The following MAML2 variants were observed in gnomAD, a reference collection of about 807,000 sequenced individuals.
MAML2 encodes mastermind like transcriptional coactivator 2.
In MAML2, 22 loss-of-function variants were observed where a neutral mutation model predicts 96.1. The ratio of observed to expected loss-of-function variants is 0.23; its 90% CI spans 0.16 to 0.33. MAML2 has a LOEUF of 0.33. Ranked by LOEUF, MAML2 falls within the 10% of genes least tolerant of loss-of-function variation. The probability of loss-of-function intolerance (pLI) is 1.00; values close to 1 mark genes in which losing one functional copy is unlikely to be tolerated. For synonymous variants in MAML2, 561 were observed against 521.3 expected, an observed-to-expected ratio of 1.08 and a Z score of -1.04; for missense variants, 1,367 against 1,392.4, an observed-to-expected ratio of 0.98 and a Z score of 0.29.
At chr11:96,138,570 T>G (rs1331311339) in intron 1 of MAML2, among the ~76,000 whole-genome samples, 1 of 152,194 alleles carries the variant, frequency 6.6e-6, no homozygotes, top group African/African-American at 2.4e-5. Flanking sequence ...GCACTCTTCC[T>G]GTTTTCCTTA....
chr11:96,261,729 A>G (rs895922397), intron 1 of MAML2, among the ~76,000 whole-genome samples: 1 of 152,192 alleles, frequency 6.6e-6, no homozygotes, highest in Non-Finnish European at 1.5e-5. Flanking sequence ...TGACTACCTG[A>G]GCTCCATATT....
Position 96,093,522 on chromosome 11 carries a change from AAGAC to A in MAML2, c.514-9_514-6del. 6.4e-7 allele frequency: 1 copy of A among 1,569,816 alleles called. No homozygotes were observed. The highest frequency in any genetic ancestry group is 8.6e-7 in the Non-Finnish European group (1 of 1,156,686). The stretch of plus-strand genomic sequence containing the variant: ...TCTTTTCAAGGAACCCTGGAGCTGA[AAGAC>A]AGAAGGGAATAAAAAGGAAAAATAA... On this transcript the variant is annotated splice_polypyrimidine_tract_variant and splice_region_variant and intron_variant, in intron 1 of 4. Transcript: ENST00000524717.
intron 1 of MAML2, among the ~76,000 whole-genome samples, chr11:96,332,753 A>G (rs79461310): frequency 6.6e-6 from 1 of 152,254 alleles, no homozygotes; most frequent in Non-Finnish European, 1.5e-5. Flanking sequence ...AGAAACATCA[A>G]CAACAACAAA....
rs1171885988 is a variant in MAML2 at position 96,342,767 on chromosome 11, C to A, written c.-872G>T. On this transcript the variant is annotated 5_prime_UTR_variant, in exon 1 of 5. Coordinates refer to ENST00000524717, the MANE Select transcript of MAML2 (RefSeq NM_032427.4). Reference sequence around the variant, plus strand: ...TTAAATGAAAAGCAATCTTAAGTCGCTAGCCACTGAGAGAGATCCTTCAAC... The same window carrying A: ...TTAAATGAAAAGCAATCTTAAGTCGATAGCCACTGAGAGAGATCCTTCAAC... 11 of 315,336 alleles carry A rather than the reference C, an allele frequency of 3.5e-5. No homozygotes were observed. Among genetic ancestry groups the A allele is most frequent in the Non-Finnish European group, 4.0e-5 (7 of 173,720 alleles). The allele number at this position is 315,336 out of a possible 1,614,324, so 19.5% of individuals were successfully genotyped here.
At chr11:96,039,963 CAAAAA>C (rs67545681) in intron 2 of MAML2, among the ~76,000 whole-genome samples, 3 of 104,574 alleles carry the variant, frequency 2.9e-5, no homozygotes. Context: ...GACTCTGTCT[CAAAAA>C]AAAAAAAAAA....
At chr11:96,166,177 T>TCTCTCTCACACACTCA (rs530578845) in intron 1 of MAML2, among the ~76,000 whole-genome samples, 2 of 110,330 alleles carry the variant, frequency 1.8e-5, no homozygotes, top group African/African-American at 7.0e-5. Context: ...TCTCTCTCTC[T>TCTCTCTCACACACTCA]CACACACACA....
intron 1 of MAML2, among the ~76,000 whole-genome samples, chr11:96,211,986 G>A (rs561893212): frequency 2.6e-5 from 4 of 152,192 alleles, no homozygotes; most frequent in South Asian, 2.1e-4. Context: ...ATAGGAAAGC[G>A]ATGTGCTGGG....
At chr11:96,096,922 C>G (rs1859839176) in intron 1 of MAML2, among the ~76,000 whole-genome samples, 1 of 152,148 alleles carries the variant, frequency 6.6e-6, no homozygotes, top group Non-Finnish European at 1.5e-5. Context: ...AGACACCCAT[C>G]AAAACTTCAC....
At chr11:96,309,430 C>A (rs1863507088) in intron 1 of MAML2, among the ~76,000 whole-genome samples, 1 of 152,146 alleles carries the variant, frequency 6.6e-6, no homozygotes, top group Admixed American at 6.5e-5. Context: ...TCATTCAACC[C>A]AGTAGCAGGA....
chr11:96,256,483 C>T (rs1004339894), intron 1 of MAML2, among the ~76,000 whole-genome samples: 2 of 152,306 alleles, frequency 1.3e-5, no homozygotes, highest in East Asian at 1.9e-4. Flanking sequence ...CAGATCTCAG[C>T]TTAAATACTG....
At chr11:96,187,070 C>A (rs1413928243) in intron 1 of MAML2, among the ~76,000 whole-genome samples, 1 of 152,194 alleles carries the variant, frequency 6.6e-6, no homozygotes, top group African/African-American at 2.4e-5. Flanking sequence ...GAGTAATGTA[C>A]CTTTAACCTT....
intron 4 of MAML2, among the ~76,000 whole-genome samples, chr11:95,982,811 G>A (rs184897360): frequency 5.0e-4 from 76 of 152,260 alleles, no homozygotes; most frequent in African/African-American, 1.7e-3. Context: ...TAAGATTATA[G>A]TGGAGCTGAA....
chr11:96,301,140 C>T (rs1237387090), intron 1 of MAML2, among the ~76,000 whole-genome samples: 3 of 152,152 alleles, frequency 2.0e-5, no homozygotes, highest in Non-Finnish European at 4.4e-5. Flanking sequence ...ATTGTTAGGA[C>T]CCATGTATTC....
At chr11:96,111,382 C>T (rs374125879) in intron 1 of MAML2, among the ~76,000 whole-genome samples, 4 of 152,210 alleles carry the variant, frequency 2.6e-5, no homozygotes, top group East Asian at 3.9e-4. Context: ...AACAGTCATA[C>T]GCAGATGCAA....
chr11:96,296,415 C>T (rs1376774032), intron 1 of MAML2, among the ~76,000 whole-genome samples: 6 of 152,172 alleles, frequency 3.9e-5, no homozygotes, highest in East Asian at 1.9e-4. Flanking sequence ...GAGGCAGAGG[C>T]GAGCGGATCC....
intron 1 of MAML2, among the ~76,000 whole-genome samples, chr11:96,329,145 C>T (rs945003086): frequency 2.6e-5 from 4 of 151,498 alleles, no homozygotes; most frequent in South Asian, 4.2e-4. Flanking sequence ...GGAATCTTTA[C>T]CCTACAGAAA....
At chr11:96,282,255 A>AT (rs753637856) in intron 1 of MAML2, among the ~76,000 whole-genome samples, 2,005 of 150,030 alleles carry the variant, frequency 0.013, 20 homozygotes, top group Non-Finnish European at 0.022. Flanking sequence ...TCTCAAAAAA[A>AT]AAATAATAAT....
intron 2 of MAML2, among the ~76,000 whole-genome samples, chr11:96,069,345 G>A (rs1051989352): frequency 2.0e-5 from 3 of 148,952 alleles, no homozygotes; most frequent in African/African-American, 7.5e-5. Context: ...TTCACCTATA[G>A]TGACTATTTG....
At chr11:96,200,906 C>A (rs906484846) in intron 1 of MAML2, among the ~76,000 whole-genome samples, 5 of 152,024 alleles carry the variant, frequency 3.3e-5, no homozygotes, top group African/African-American at 1.2e-4. Context: ...ATAGTAAAGA[C>A]AATTCTATAT....
Sources: allele counts gnomAD v4.1 joint callset (sites outside exome capture counted in the v4.1 genomes callset), GRCh38; gene constraint gnomAD v4.1.1; transcripts MANE v1.5; gene names NCBI Gene and HGNC (gene_info 2026-07-23, HGNC 2026-07-21).